The following PAPPA2 variants were observed in gnomAD, a reference collection of about 807,000 sequenced individuals.
PAPPA2 encodes the protein pappalysin 2.
In PAPPA2, 86 loss-of-function variants were observed where a neutral mutation model predicts 176.4. That is an observed-to-expected ratio of 0.49 (90% CI 0.41 to 0.58). The LOEUF is 0.58. PAPPA2 is among the 20% of genes least tolerant of loss of function. The pLI, the probability that PAPPA2 is intolerant of heterozygous loss-of-function variation, is 0.00. For synonymous variants in PAPPA2, 809 were observed against 852.2 expected (o/e 0.95, Z 0.88); for missense variants, 2,073 against 2,256.9 (o/e 0.92, Z 1.65).
chr1:176,766,862 G>C (rs978627103), intron 15 of PAPPA2, among the ~76,000 whole-genome samples: 1 of 152,098 alleles, frequency 6.6e-6, no homozygotes, highest in Admixed American at 6.5e-5. Context: ...TAAGGAAAGA[G>C]TGGACATACA....
intron 21 of PAPPA2, among the ~76,000 whole-genome samples, chr1:176,828,632 A>G (rs1666950587): frequency 6.6e-6 from 1 of 152,166 alleles, no homozygotes; most frequent in Admixed American, 6.5e-5. Context: ...ATATATGTAT[A>G]CAATTGCATA....
chr1:176,729,288 T>G (rs1662022239), intron 12 of PAPPA2, among the ~76,000 whole-genome samples: 1 of 152,058 alleles, frequency 6.6e-6, no homozygotes, highest in Non-Finnish European at 1.5e-5. Flanking sequence ...TATAACCAAG[T>G]TCTAGACATT....
chr1:176,786,102 G>C (rs1241270291), intron 17 of PAPPA2, among the ~76,000 whole-genome samples: 2 of 152,114 alleles, frequency 1.3e-5, no homozygotes, highest in Non-Finnish European at 2.9e-5. Flanking sequence ...AGAGTCCCCG[G>C]AGGATATAAA....
Position 176,594,975 on chromosome 1 carries a change from A to G in PAPPA2, c.1371A>G (p.Thr457=), listed in dbSNP as rs1169794929. 6.2e-7 allele frequency: 1 copy of G among 1,614,236 alleles called. No homozygotes were observed. Among genetic ancestry groups the G allele is most frequent in the Admixed American group, 1.7e-5 (1 of 60,024 alleles). The change falls in exon 3 of 23, where the codon ACA becomes ACG. Residue 457 remains threonine, a synonymous_variant. Transcript: ENST00000367662. ...GEEEATDLVL[T]ASFEPVNTEW... Reference sequence around the variant, plus strand: ...AGGAAGCGACTGACTTGGTCCTGACAGCGAGCTTTGAGCCTGTGAACACAG... The same window carrying G: ...AGGAAGCGACTGACTTGGTCCTGACGGCGAGCTTTGAGCCTGTGAACACAG...
At chr1:176,518,657 AC>A (rs1281099797) in intron 1 of PAPPA2, among the ~76,000 whole-genome samples, 2 of 152,194 alleles carry the variant, frequency 1.3e-5, no homozygotes, top group Non-Finnish European at 2.9e-5. Context: ...AAACTCAGGA[AC>A]CATCTGCATT....
At chr1:176,554,099 C>G (rs190015570) in intron 1 of PAPPA2, among the ~76,000 whole-genome samples, 1 of 152,130 alleles carries the variant, frequency 6.6e-6, no homozygotes, top group East Asian at 1.9e-4. Flanking sequence ...GGACTTGCAT[C>G]GAGGCTCCAG....
intron 12 of PAPPA2, among the ~76,000 whole-genome samples, chr1:176,736,426 T>C (rs1662416888): frequency 6.7e-6 from 1 of 150,346 alleles, no homozygotes; most frequent in East Asian, 1.9e-4. Flanking sequence ...GTATTCCTCA[T>C]TTAAATATAT....
chr1:176,532,447 C>A (rs1649865477), intron 1 of PAPPA2, among the ~76,000 whole-genome samples: 1 of 152,194 alleles, frequency 6.6e-6, no homozygotes, highest in African/African-American at 2.4e-5. Flanking sequence ...CCAGAGGAAA[C>A]AACCAAAGCA....
chr1:176,661,066 CATTCAAA>C (rs1016502603), intron 3 of PAPPA2, among the ~76,000 whole-genome samples: 2 of 152,024 alleles, frequency 1.3e-5, no homozygotes, highest in African/African-American at 4.8e-5. Flanking sequence ...GAGACTAATT[CATTCAAA>C]AACAGTTCTC....
chr1:176,592,387 A>G (rs564167117), intron 2 of PAPPA2, among the ~76,000 whole-genome samples: 19 of 152,292 alleles, frequency 1.2e-4, no homozygotes, highest in African/African-American at 3.8e-4. Flanking sequence ...TTGGCTATAA[A>G]TCTTTTTTGA....
At chr1:176,690,544 G>T in intron 5 of PAPPA2, 114 bp downstream of exon 5, 1 of 1,508,506 alleles carries the variant, frequency 6.6e-7, no homozygotes. Context: ...CATTTGTGTC[G>T]GAGAGTTGAA....
At chr1:176,739,787 G>T (rs1181656257) in intron 13 of PAPPA2, 26 bp downstream of exon 13, 3 of 1,611,090 alleles carry the variant, frequency 1.9e-6, no homozygotes, top group South Asian at 1.1e-5. Context: ...ATCCCTTTAG[G>T]GTCACTAGAG....
chr1:176,682,949 A>AT (rs1373416528), intron 4 of PAPPA2, among the ~76,000 whole-genome samples: 1 of 152,080 alleles, frequency 6.6e-6, no homozygotes, highest in Non-Finnish European at 1.5e-5. Context: ...AGCCCTAAAA[A>AT]TTTTACAGAA....
intron 1 of PAPPA2, among the ~76,000 whole-genome samples, chr1:176,537,750 GTGTGTA>G (rs1198091340): frequency 6.6e-6 from 1 of 151,722 alleles, no homozygotes; most frequent in African/African-American, 2.4e-5. Flanking sequence ...GTGTGTGTGT[GTGTGTA>G]TGTACGTGTG....
chr1:176,602,638 G>T (rs1404418663), intron 3 of PAPPA2, among the ~76,000 whole-genome samples: 4 of 152,004 alleles, frequency 2.6e-5, no homozygotes, highest in Non-Finnish European at 5.9e-5. Context: ...AAAAACACAC[G>T]CAGGGAAAAT....
At chr1:176,735,728 CT>C (rs59256163) in intron 12 of PAPPA2, among the ~76,000 whole-genome samples, 6 of 135,106 alleles carry the variant, frequency 4.4e-5, no homozygotes, top group Admixed American at 7.5e-5. Flanking sequence ...ATCTATCTAT[CT>C]ATCTATCTAT....
At chr1:176,494,078 G>C (rs1295203512) in intron 1 of PAPPA2, among the ~76,000 whole-genome samples, 2 of 152,090 alleles carry the variant, frequency 1.3e-5, no homozygotes, top group African/African-American at 4.8e-5. Flanking sequence ...CAAAGCTATG[G>C]GTATGTCTGA....
chr1:176,718,708 T>TTA (rs1491489453), intron 12 of PAPPA2, among the ~76,000 whole-genome samples: 2 of 145,678 alleles, frequency 1.4e-5, no homozygotes, highest in Admixed American at 6.9e-5. Context: ...CTTTTTTTTT[T>TTA]AAAAAAAAAA....
chr1:176,708,286 C>A (rs1054616208), intron 10 of PAPPA2, among the ~76,000 whole-genome samples: 2 of 151,878 alleles, frequency 1.3e-5, no homozygotes, highest in South Asian at 4.2e-4. Flanking sequence ...TGATATATTC[C>A]AACAGTAGAC....
Sources: gnomAD v4.1 joint callset for allele counts (sites outside exome capture counted in the v4.1 genomes callset) on GRCh38, gnomAD v4.1.1 for gene constraint, MANE v1.5 for transcripts, NCBI Gene and HGNC (gene_info 2026-07-23, HGNC 2026-07-21) for gene names.